The following TMCC1 variants were observed in gnomAD, a reference collection of about 807,000 sequenced individuals.
The protein encoded by TMCC1 is transmembrane and coiled-coil domains protein 1.
A neutral mutation model predicts 52.4 loss-of-function variants in TMCC1; 15 were observed. That is an observed-to-expected ratio of 0.29 (90% CI 0.19 to 0.44). The LOEUF is 0.44. Ranked by LOEUF, TMCC1 falls within the 20% of genes least tolerant of loss-of-function variation. The pLI is 1.00. For synonymous variants in TMCC1, 279 were observed against 301.9 expected, an observed-to-expected ratio of 0.92 and a Z score of 0.79; for missense variants, 503 against 806.0, an observed-to-expected ratio of 0.62 and a Z score of 4.55.
chr3:129,688,616 A>T, intron 4 of TMCC1: 1 of 985,504 alleles, frequency 1.0e-6, no homozygotes, highest in African/African-American at 1.7e-5. Context: ...CAACTCTTAG[A>T]GCTTTCTATA....
intron 4 of TMCC1, among the ~76,000 whole-genome samples, chr3:129,793,963 G>A (rs1398010497): frequency 6.6e-6 from 1 of 152,102 alleles, no homozygotes; most frequent in Non-Finnish European, 1.5e-5. Flanking sequence ...AGAGAAGAAG[G>A]CTTTCTCCTC....
intron 4 of TMCC1, among the ~76,000 whole-genome samples, chr3:129,781,676 G>A (rs1290207145): frequency 6.6e-6 from 1 of 152,146 alleles, no homozygotes; most frequent in African/African-American, 2.4e-5. Flanking sequence ...AGTTAATGGA[G>A]AGCAGACTAT....
intron 4 of TMCC1, among the ~76,000 whole-genome samples, chr3:129,706,968 C>G (rs899499486): frequency 6.6e-6 from 1 of 151,860 alleles, no homozygotes; most frequent in African/African-American, 2.4e-5. Context: ...GACACCACAC[C>G]TAGCAAGACA....
intron 4 of TMCC1, among the ~76,000 whole-genome samples, chr3:129,736,222 T>A (rs549585552): frequency 3.7e-4 from 56 of 152,316 alleles, no homozygotes; most frequent in African/African-American, 1.3e-3. Context: ...GTTCACTTGG[T>A]ATCTACTGGC....
intron 4 of TMCC1, among the ~76,000 whole-genome samples, chr3:129,769,560 A>AT (rs2054387057): frequency 1.4e-5 from 2 of 140,222 alleles, no homozygotes; most frequent in East Asian, 2.1e-4. Context: ...TTTTTTTGCA[A>AT]TTTTTTTTCA....
At chr3:129,885,932 A>G (rs2061677794) in intron 1 of TMCC1, among the ~76,000 whole-genome samples, 1 of 150,014 alleles carries the variant, frequency 6.7e-6, no homozygotes, top group Admixed American at 6.6e-5. Flanking sequence ...TAGTAGAGAC[A>G]GGGTTTCACC....
chr3:129,743,870 C>T (rs778355506), intron 4 of TMCC1, among the ~76,000 whole-genome samples: 2 of 151,460 alleles, frequency 1.3e-5, no homozygotes, highest in Non-Finnish European at 2.9e-5. Flanking sequence ...AATAACTTCA[C>T]TGTTTTTTAA....
intron 4 of TMCC1, among the ~76,000 whole-genome samples, chr3:129,682,173 T>C (rs542891802): frequency 6.6e-6 from 1 of 152,228 alleles, no homozygotes; most frequent in South Asian, 2.1e-4. Context: ...AAGGCTCAAG[T>C]GCAGTGGCTA....
chr3:129,692,836 C>A (rs2047122724), intron 4 of TMCC1, among the ~76,000 whole-genome samples: 4 of 151,968 alleles, frequency 2.6e-5, no homozygotes, highest in African/African-American at 9.7e-5. Flanking sequence ...AAAGACAAAT[C>A]ATTTATTTAT....
intron 4 of TMCC1, among the ~76,000 whole-genome samples, chr3:129,799,309 T>C (rs1004628725): frequency 1.3e-5 from 2 of 152,140 alleles, no homozygotes; most frequent in African/African-American, 2.4e-5. Flanking sequence ...AGTAAATGCA[T>C]GAAAGGAAGA....
At chr3:129,714,489 G>T (rs951340971) in intron 4 of TMCC1, among the ~76,000 whole-genome samples, 1 of 152,056 alleles carries the variant, frequency 6.6e-6, no homozygotes, top group East Asian at 1.9e-4. Flanking sequence ...CTGGAAACTC[G>T]AACTTTTAAC....
intron 4 of TMCC1, among the ~76,000 whole-genome samples, chr3:129,680,997 A>G (rs1281318592): frequency 6.6e-6 from 1 of 152,140 alleles, no homozygotes; most frequent in African/African-American, 2.4e-5. Flanking sequence ...ATGTATATGC[A>G]AAGTATGAAG....
intron 6 of TMCC1, 100 bp downstream of exon 6, chr3:129,654,868 C>A: frequency 1.3e-6 from 2 of 1,494,184 alleles, no homozygotes; most frequent in Non-Finnish European, 1.8e-6. Context: ...ATAAGCTTTT[C>A]TTTGTTCTCT....
In TMCC1 at chr3:129,857,924, T is replaced by C. The variant is rs78261461; in HGVS notation, c.-184+22385A>G. On this transcript the variant is annotated intron_variant, in intron 2 of 6. Transcript: ENST00000393238. ...TCCTCACAATAATCCTGTGAGGTAC[T>C]TGATGTTATTTCACATTTTACAGAT... 8.4e-3 allele frequency among the ~76,000 whole-genome samples: 1,275 copies of C among 152,346 alleles called. 13 individuals are homozygous for C. Among genetic ancestry groups the C allele is most frequent in the African/African-American group, 0.029 (1,216 of 41,582 alleles).
At chr3:129,763,542 C>CAAAAAAAAAAAAAAAAAAAAAAAAAAA (rs11354197) in intron 4 of TMCC1, among the ~76,000 whole-genome samples, 2 of 44,664 alleles carry the variant, frequency 4.5e-5, no homozygotes, top group African/African-American at 8.2e-5. Flanking sequence ...GACCCTGTCT[C>CAAAAAAAAAAAAAAAAAAAAAAAAAAA]AAAAAAAAAA....
chr3:129,769,226 A>T (rs559759461), intron 4 of TMCC1, among the ~76,000 whole-genome samples: 1 of 152,320 alleles, frequency 6.6e-6, no homozygotes, highest in East Asian at 1.9e-4. Flanking sequence ...TTCTTAAAAC[A>T]TTATAGGATT....
chr3:129,662,754 A>T (rs2087140620), intron 5 of TMCC1, among the ~76,000 whole-genome samples: 1 of 152,188 alleles, frequency 6.6e-6, no homozygotes, highest in Admixed American at 6.5e-5. Context: ...CTGGCAAATG[A>T]TGTTCACGCA....
chr3:129,788,544 G>A (rs1252580882), intron 4 of TMCC1, among the ~76,000 whole-genome samples: 1 of 151,934 alleles, frequency 6.6e-6, no homozygotes, highest in Non-Finnish European at 1.5e-5. Context: ...CTCACTGCAA[G>A]CTCTGCCTCC....
chr3:129,720,263 A>G (rs1394535160), intron 4 of TMCC1, among the ~76,000 whole-genome samples: 1 of 151,988 alleles, frequency 6.6e-6, no homozygotes, highest in East Asian at 1.9e-4. Flanking sequence ...TGCTTTGGCC[A>G]AGTGAAGTGT....
Sources: allele counts gnomAD v4.1 joint callset (sites outside exome capture counted in the v4.1 genomes callset), GRCh38; gene constraint gnomAD v4.1.1; transcripts MANE v1.5; gene names NCBI Gene and HGNC (gene_info 2026-07-23, HGNC 2026-07-21).